SEMA3A: variants seen among roughly 807,000 people sequenced by gnomAD.
The protein encoded by SEMA3A is semaphorin-3A.
Under a neutral mutation model 97.9 loss-of-function variants are expected in SEMA3A, and 29 were observed. The ratio of observed to expected loss-of-function variants is 0.30; its 90% CI spans 0.22 to 0.40. The LOEUF (loss-of-function observed/expected upper bound fraction) is 0.40. Ranked by LOEUF, SEMA3A falls within the 10% of genes least tolerant of loss-of-function variation. The probability of loss-of-function intolerance (pLI) is 1.00; values close to 1 mark genes in which losing one functional copy is unlikely to be tolerated. For synonymous variants in SEMA3A, 321 were observed against 323.7 expected (o/e 0.99, Z 0.09); for missense variants, 763 against 951.3 (o/e 0.80, Z 2.60).
Position 84,336,906 on chromosome 7 carries a change from A to C in SEMA3A, c.-168-29614T>G, listed in dbSNP as rs1802049808. On this transcript the variant is annotated intron_variant, in intron 2 of 3. Transcript: ENST00000424555. ...TTCCTTCAGGAAGTCTAACTTAAAT[A>C]TAATTTTTCTAAGAATAACATGGTT... Among the ~76,000 whole-genome samples, 2 of 152,180 alleles carry C rather than the reference A, an allele frequency of 1.3e-5. 1 individual carries two copies. Among genetic ancestry groups the C allele is most frequent in the South Asian group, 4.1e-4 (2 of 4,832 alleles).
intron 5 of SEMA3A, among the ~76,000 whole-genome samples, chr7:84,054,152 C>T (rs1434090785): frequency 6.6e-6 from 1 of 152,152 alleles, no homozygotes; most frequent in Non-Finnish European, 1.5e-5. Flanking sequence ...AATATTTTTT[C>T]CTTCATTTCA....
At chr7:84,283,909 T>C (rs1416169361) in intron 3 of SEMA3A, among the ~76,000 whole-genome samples, 4 of 152,108 alleles carry the variant, frequency 2.6e-5, no homozygotes, top group Non-Finnish European at 5.9e-5. Flanking sequence ...TTAAATTTAT[T>C]CCTTAAATTT....
At chr7:84,336,407 T>C (rs990777761) in intron 2 of SEMA3A, among the ~76,000 whole-genome samples, 20 of 152,100 alleles carry the variant, frequency 1.3e-4, no homozygotes, top group Admixed American at 3.9e-4. Context: ...CTTCTTCTTT[T>C]TTCCCCCCAG....
intron 1 of SEMA3A, among the ~76,000 whole-genome samples, chr7:84,456,654 T>G (rs1022278364): frequency 1.1e-4 from 17 of 151,818 alleles, no homozygotes; most frequent in African/African-American, 3.6e-4. Context: ...AGTAAAGTCT[T>G]TAGAAAATAA....
intron 1 of SEMA3A, among the ~76,000 whole-genome samples, chr7:84,149,980 T>G (rs1261912997): frequency 6.6e-6 from 1 of 152,236 alleles, no homozygotes; most frequent in East Asian, 1.9e-4. Flanking sequence ...GATTTCTTAA[T>G]TCTTTCATTT....
intron 3 of SEMA3A, among the ~76,000 whole-genome samples, chr7:84,214,563 C>T (rs1798701145): frequency 6.6e-6 from 1 of 152,082 alleles, no homozygotes; most frequent in Admixed American, 6.6e-5. Context: ...ATCTTCTCAC[C>T]TCAGAAGAGT....
intron 3 of SEMA3A, among the ~76,000 whole-genome samples, chr7:84,211,493 T>C (rs1221429923): frequency 6.6e-6 from 1 of 151,518 alleles, no homozygotes; most frequent in Non-Finnish European, 1.5e-5. Context: ...TGCTGGTGCA[T>C]GCCTGTAATC....
intron 3 of SEMA3A, among the ~76,000 whole-genome samples, chr7:84,224,677 C>T (rs1798950054): frequency 6.6e-6 from 1 of 152,042 alleles, no homozygotes; most frequent in African/African-American, 2.4e-5. Context: ...ACCTTGAGCA[C>T]CCTTTCGAGT....
chr7:83,992,282 T>C (rs1393474981), intron 12 of SEMA3A, among the ~76,000 whole-genome samples: 1 of 149,454 alleles, frequency 6.7e-6, no homozygotes, highest in African/African-American at 2.5e-5. Context: ...CCTGGATTCA[T>C]TCATTTTTTG....
At chr7:84,326,563 A>G (rs1044520529) in intron 2 of SEMA3A, among the ~76,000 whole-genome samples, 1 of 152,040 alleles carries the variant, frequency 6.6e-6, no homozygotes, top group Non-Finnish European at 1.5e-5. Context: ...TATTTTATGT[A>G]TATTCATTTG....
chr7:84,469,005 T>C (rs1364477311), intron 1 of SEMA3A, among the ~76,000 whole-genome samples: 2 of 152,072 alleles, frequency 1.3e-5, no homozygotes, highest in Admixed American at 6.6e-5. Context: ...ATGGTGAAAA[T>C]GTAAAGAAAT....
chr7:84,131,842 G>A (rs13228652), intron 2 of SEMA3A, among the ~76,000 whole-genome samples: 1 of 151,746 alleles, frequency 6.6e-6, no homozygotes, highest in African/African-American at 2.4e-5. Flanking sequence ...GCCCAGGCTG[G>A]AATGCAGTGG....
intron 13 of SEMA3A, among the ~76,000 whole-genome samples, chr7:83,981,939 T>C (rs542005245): frequency 1.3e-5 from 2 of 152,008 alleles, no homozygotes; most frequent in South Asian, 2.1e-4. Context: ...TCCTATGATA[T>C]GGGAAGGGGC....
chr7:84,255,043 T>C (rs957349148), intron 3 of SEMA3A, among the ~76,000 whole-genome samples: 3 of 152,128 alleles, frequency 2.0e-5, no homozygotes, highest in African/African-American at 7.2e-5. Context: ...AGAAGTAAGA[T>C]GAGGCTCCAA....
chr7:84,041,582 C>G (rs1162569227), intron 6 of SEMA3A, among the ~76,000 whole-genome samples: 1 of 152,062 alleles, frequency 6.6e-6, no homozygotes, highest in African/African-American at 2.4e-5. Flanking sequence ...ATTTCTGTGA[C>G]TTTATACATT....
chr7:84,175,571 A>T (rs535422831), intron 1 of SEMA3A, among the ~76,000 whole-genome samples: 1 of 152,274 alleles, frequency 6.6e-6, no homozygotes, highest in Admixed American at 6.5e-5. Context: ...ATCATTTAAG[A>T]CACTGGTTCT....
At position 84,459,967 on chromosome 7, in the gene SEMA3A, C is replaced by T. The variant is rs147602056; in HGVS notation, c.-246+32493G>A. On this transcript the variant is annotated intron_variant, in intron 1 of 3. Transcript: ENST00000424555. ...GCTTGAGTCTGGGAGGTCAAGGCTGCAGTGAGCTGAGATAGCATCACTGCA... is the reference window on the plus strand; with the variant it reads ...GCTTGAGTCTGGGAGGTCAAGGCTGTAGTGAGCTGAGATAGCATCACTGCA... Among the ~76,000 whole-genome samples, 602 of 152,230 alleles carry T rather than the reference C, an allele frequency of 4.0e-3. 6 individuals carry two copies. Among genetic ancestry groups the T allele is most frequent in the African/African-American group, 0.014 (574 of 41,554 alleles).
chr7:84,430,057 G>C (rs751516092), intron 1 of SEMA3A, among the ~76,000 whole-genome samples: 1 of 151,866 alleles, frequency 6.6e-6, no homozygotes, highest in Non-Finnish European at 1.5e-5. Flanking sequence ...GAGTAGAGTG[G>C]GTTTGTTTCT....
chr7:83,986,076 T>C (rs894758686), intron 12 of SEMA3A, among the ~76,000 whole-genome samples: 2 of 152,202 alleles, frequency 1.3e-5, no homozygotes, highest in African/African-American at 4.8e-5. Flanking sequence ...TTTATCTTGA[T>C]TCAGCATGGT....
Sources: gnomAD v4.1 joint callset for allele counts (sites outside exome capture counted in the v4.1 genomes callset) on GRCh38, gnomAD v4.1.1 for gene constraint, MANE v1.5 for transcripts, NCBI Gene and HGNC (gene_info 2026-07-23, HGNC 2026-07-21) for gene names.